TRPC4: variants seen among roughly 807,000 people sequenced by gnomAD.
The protein encoded by TRPC4 is transient receptor potential cation channel subfamily C member 4.
In TRPC4, 49 loss-of-function variants were observed where a neutral mutation model predicts 99.4. The ratio of observed to expected loss-of-function variants is 0.49; its 90% CI spans 0.39 to 0.63. The LOEUF (loss-of-function observed/expected upper bound fraction) is 0.63. Ranked by LOEUF, TRPC4 falls within the 20% of genes least tolerant of loss-of-function variation. The pLI, the probability that TRPC4 is intolerant of heterozygous loss-of-function variation, is 0.00. For synonymous variants in TRPC4, 454 were observed against 425.9 expected (o/e 1.07, Z -0.81); for missense variants, 898 against 1,152.9 (o/e 0.78, Z 3.20).
At chr13:37,797,585 T>C (rs1196465514) in intron 1 of TRPC4, among the ~76,000 whole-genome samples, 1 of 152,184 alleles carries the variant, frequency 6.6e-6, no homozygotes, top group Non-Finnish European at 1.5e-5. Context: ...TTTAATTTTT[T>C]CCTCAGTCTT....
At chr13:37,765,588 A>G (rs1485018412) in intron 2 of TRPC4, among the ~76,000 whole-genome samples, 1 of 151,426 alleles carries the variant, frequency 6.6e-6, no homozygotes, top group Non-Finnish European at 1.5e-5. Flanking sequence ...AGAATTTTAG[A>G]GTGTATATTA....
chr13:37,753,983 G>A (rs898647936), intron 2 of TRPC4, among the ~76,000 whole-genome samples: 20 of 152,212 alleles, frequency 1.3e-4, no homozygotes, highest in African/African-American at 3.9e-4. Flanking sequence ...GAGAATGGGC[G>A]ATACTGAAGC....
At chr13:37,656,800 G>A (rs1486025708) in intron 6 of TRPC4, among the ~76,000 whole-genome samples, 3 of 152,218 alleles carry the variant, frequency 2.0e-5, no homozygotes, top group South Asian at 4.1e-4. Context: ...AAGTAAACTC[G>A]GAATAAGGAT....
intron 2 of TRPC4, among the ~76,000 whole-genome samples, chr13:37,757,420 T>C (rs978197615): frequency 2.9e-4 from 44 of 152,134 alleles, no homozygotes; most frequent in African/African-American, 9.6e-4. Flanking sequence ...AGCTCTTAAG[T>C]CTAAGTAAAT....
chr13:37,788,786 C>T (rs571939575), intron 1 of TRPC4, among the ~76,000 whole-genome samples: 13 of 152,210 alleles, frequency 8.5e-5, no homozygotes, highest in South Asian at 2.1e-4. Flanking sequence ...ATAAAATCTA[C>T]GTTGCCAGAC....
chr13:37,764,950 TA>T (rs1283674886), intron 2 of TRPC4, among the ~76,000 whole-genome samples: 1 of 151,102 alleles, frequency 6.6e-6, no homozygotes, highest in African/African-American at 2.4e-5. Flanking sequence ...GAGATGAGCA[TA>T]TTTTTTTTCT....
At position 37,740,194 on chromosome 13, in the gene TRPC4, G is replaced by T. The variant is rs142246999; in HGVS notation, c.897+5743C>A. ...AGATGGGTAGGGTACAACCTTGAGGGTTAGTAATTTCAGAATAAAAAATAT... is the reference window on the plus strand; with the variant it reads ...AGATGGGTAGGGTACAACCTTGAGGTTTAGTAATTTCAGAATAAAAAATAT... On this transcript the variant is annotated intron_variant, in intron 3 of 10. Transcript: ENST00000379705. 1.8e-4 allele frequency among the ~76,000 whole-genome samples: 28 copies of T among 152,184 alleles called. No homozygotes were observed. The East Asian group carries it at 4.1e-3, about 22-fold the overall frequency.
intron 3 of TRPC4, among the ~76,000 whole-genome samples, chr13:37,714,451 T>C (rs1327050985): frequency 6.6e-6 from 1 of 152,188 alleles, no homozygotes; most frequent in African/African-American, 2.4e-5. Flanking sequence ...CATATTTCAG[T>C]TACTTGCCCC....
At chr13:37,827,763 A>T (rs1386059485) in intron 1 of TRPC4, among the ~76,000 whole-genome samples, 2 of 152,326 alleles carry the variant, frequency 1.3e-5, no homozygotes, top group East Asian at 3.9e-4. Flanking sequence ...GAGCCTACAG[A>T]GGCAGGCAGG....
At chr13:37,745,531 T>A in intron 3 of TRPC4, among the ~76,000 whole-genome samples, 1 of 76,732 alleles carries the variant, frequency 1.3e-5, no homozygotes, top group South Asian at 4.3e-4. Flanking sequence ...TATATATGTA[T>A]ATATACGTAT....
intron 2 of TRPC4, among the ~76,000 whole-genome samples, chr13:37,769,653 C>T (rs1251691605): frequency 2.0e-5 from 3 of 151,434 alleles, no homozygotes; most frequent in African/African-American, 7.3e-5. Flanking sequence ...TCCAGGGAAT[C>T]ATTCACAGAT....
intron 1 of TRPC4, among the ~76,000 whole-genome samples, chr13:37,796,873 C>T (rs1275554104): frequency 1.3e-5 from 2 of 149,314 alleles, no homozygotes; most frequent in Admixed American, 6.8e-5. Context: ...CAATAGGATT[C>T]CTTGAGCCCA....
chr13:37,657,723 C>T (rs954145614), intron 6 of TRPC4, among the ~76,000 whole-genome samples: 10 of 152,072 alleles, frequency 6.6e-5, no homozygotes, highest in African/African-American at 2.2e-4. Context: ...GAATAGTACA[C>T]ATTTGCTCCT....
intron 1 of TRPC4, among the ~76,000 whole-genome samples, chr13:37,861,232 T>C (rs891299762): frequency 6.6e-6 from 1 of 151,560 alleles, no homozygotes; most frequent in African/African-American, 2.4e-5. Flanking sequence ...TTTTTCTCAA[T>C]TGGGTTGTAT....
chr13:37,744,327 C>CT (rs1566137247), intron 3 of TRPC4, among the ~76,000 whole-genome samples: 1 of 152,096 alleles, frequency 6.6e-6, no homozygotes. Flanking sequence ...TGTATCTTAT[C>CT]ATTGTGTAGT....
At chr13:37,775,402 A>AT (rs1956669558) in intron 2 of TRPC4, among the ~76,000 whole-genome samples, 1 of 116,018 alleles carries the variant, frequency 8.6e-6, no homozygotes, top group Non-Finnish European at 1.9e-5. Flanking sequence ...TATTTTATTT[A>AT]TTTGTTTTTT....
intron 1 of TRPC4, among the ~76,000 whole-genome samples, chr13:37,850,226 G>T (rs1366612272): frequency 6.6e-6 from 1 of 152,156 alleles, no homozygotes; most frequent in Non-Finnish European, 1.5e-5. Context: ...GGATTACTCA[G>T]AAAACCATAG....
At chr13:37,813,798 A>G (rs1028882888) in intron 1 of TRPC4, among the ~76,000 whole-genome samples, 1 of 151,832 alleles carries the variant, frequency 6.6e-6, no homozygotes, top group Non-Finnish European at 1.5e-5. Context: ...ATCATTCACA[A>G]ACTCTAGCAA....
chr13:37,817,476 T>C (rs1354286027), intron 1 of TRPC4, among the ~76,000 whole-genome samples: 1 of 152,020 alleles, frequency 6.6e-6, no homozygotes. Context: ...TTCAATGCTA[T>C]TCCTATTATA....
Sources: allele counts gnomAD v4.1 joint callset (sites outside exome capture counted in the v4.1 genomes callset), GRCh38; gene constraint gnomAD v4.1.1; transcripts MANE v1.5; gene names NCBI Gene and HGNC (gene_info 2026-07-23, HGNC 2026-07-21).